The following DENND6A variants were observed in gnomAD, a reference collection of about 807,000 sequenced individuals.
DENND6A encodes protein DENND6A.
DENND6A carries 43 observed loss-of-function variants against 95.5 expected under a neutral mutation model. The observed-to-expected ratio is 0.45, with a 90% CI of 0.35 to 0.58. The LOEUF is 0.58. Ranked by LOEUF, DENND6A falls within the 20% of genes least tolerant of loss-of-function variation. The probability of loss-of-function intolerance (pLI) is 0.00; values close to 1 mark genes in which losing one functional copy is unlikely to be tolerated. For missense variants in DENND6A, 574 were observed against 736.0 expected, an observed-to-expected ratio of 0.78 and a Z score of 2.55; for synonymous variants, 257 against 260.4, an observed-to-expected ratio of 0.99 and a Z score of 0.13.
intron 1 of DENND6A, among the ~76,000 whole-genome samples, chr3:57,687,096 G>A (rs1406764352): frequency 1.3e-5 from 2 of 152,054 alleles, no homozygotes; most frequent in Non-Finnish European, 2.9e-5. Context: ...TGGGCTCAAG[G>A]AATCCTCCTG....
rs1467290953 is a variant in DENND6A, at chr3:57,692,725, C to G, written c.237+57G>C. ...GTCAGCCCGCGGGCCGCTGGCTTTG[C>G]TGCAGCCGCCCCGGCGCAGGGGAGG... On this transcript the variant is annotated intron_variant, in intron 1 of 19. Coordinates refer to ENST00000311128, the MANE Select transcript of DENND6A (RefSeq NM_152678.3). 26 of 1,372,168 alleles carry G rather than the reference C, an allele frequency of 1.9e-5. No homozygotes were observed. The South Asian group carries it at 3.9e-4, about 21-fold the overall frequency. The allele number at this position is 1,372,168 out of a possible 1,614,324, so 85.0% of individuals were successfully genotyped here. A position where few individuals can be genotyped will look rare whatever the true frequency, so the allele number is the denominator to read the frequency against.
At chr3:57,689,499 A>C (rs2077241533) in intron 1 of DENND6A, among the ~76,000 whole-genome samples, 1 of 152,126 alleles carries the variant, frequency 6.6e-6, no homozygotes, top group African/African-American at 2.4e-5. Flanking sequence ...TCAGGGGAAA[A>C]GAAGCTCAGC....
At chr3:57,666,769 T>C (rs1253439275) in intron 3 of DENND6A, among the ~76,000 whole-genome samples, 1 of 152,202 alleles carries the variant, frequency 6.6e-6, no homozygotes, top group African/African-American at 2.4e-5. Context: ...AGGAGTACTA[T>C]TAGATAATCT....
At chr3:57,629,569 T>C (rs2070617388) in intron 18 of DENND6A, among the ~76,000 whole-genome samples, 1 of 145,204 alleles carries the variant, frequency 6.9e-6, no homozygotes, top group Non-Finnish European at 1.5e-5. Flanking sequence ...TGGAGCACAG[T>C]GGCGCGATCT....
At chr3:57,664,223 C>T (rs1473934148) in intron 4 of DENND6A, among the ~76,000 whole-genome samples, 2 of 152,070 alleles carry the variant, frequency 1.3e-5, no homozygotes, top group African/African-American at 4.8e-5. Context: ...TCCTAACATA[C>T]AATTTCAAGA....
intron 7 of DENND6A, among the ~76,000 whole-genome samples, chr3:57,660,480 G>A (rs561363938): frequency 1.5e-4 from 23 of 152,166 alleles, no homozygotes; most frequent in African/African-American, 4.6e-4. Context: ...GAGCCACCAC[G>A]CCTGTCCAAA....
chr3:57,628,679 T>G (rs1409395164), intron 19 of DENND6A, 132 bp downstream of exon 19: 1 of 894,614 alleles, frequency 1.1e-6, no homozygotes, highest in Non-Finnish European at 1.7e-6. Context: ...GTATCTACCA[T>G]CAATTGACCA....
intron 1 of DENND6A, among the ~76,000 whole-genome samples, chr3:57,685,701 G>C (rs1445932803): frequency 1.3e-5 from 2 of 151,946 alleles, no homozygotes; most frequent in Non-Finnish European, 2.9e-5. Context: ...GAAATAACTA[G>C]ATTCTCATAT....
chr3:57,669,639 C>T (rs1311801048), intron 3 of DENND6A, among the ~76,000 whole-genome samples: 5 of 150,216 alleles, frequency 3.3e-5, no homozygotes, highest in Admixed American at 6.7e-5. Flanking sequence ...GGCGTGAACC[C>T]GGGAGGCAGA....
chr3:57,646,491 T>C lies in DENND6A; in HGVS notation c.819-53A>G. The C allele has an allele frequency of 6.5e-6, 10 of 1,543,674 alleles. No homozygotes were observed. The South Asian group carries it at 1.2e-4, about 19-fold the overall frequency. The stretch of plus-strand genomic sequence containing the variant: ...TTTTTAATGTAGCCAATCCTGTTTT[T>C]AAAATTCCTACATAATCTTTCTAAA... On this transcript the variant is annotated intron_variant, in intron 9 of 19. Coordinates refer to ENST00000311128, the MANE Select transcript of DENND6A (RefSeq NM_152678.3).
intron 1 of DENND6A, 82 bp downstream of exon 1, chr3:57,692,700 G>C: frequency 7.8e-7 from 1 of 1,288,788 alleles, no homozygotes; most frequent in African/African-American, 1.6e-5. Flanking sequence ...GTCCTGGCCG[G>C]TCAGCCCGCG....
intron 1 of DENND6A, among the ~76,000 whole-genome samples, chr3:57,675,726 A>G (rs1319996867): frequency 6.6e-6 from 1 of 152,230 alleles, no homozygotes; most frequent in Non-Finnish European, 1.5e-5. Flanking sequence ...CACACACTCT[A>G]CAAGCCAACC....
At chr3:57,655,322 T>C (rs115550324) in intron 9 of DENND6A, among the ~76,000 whole-genome samples, 1,562 of 152,320 alleles carry the variant, frequency 0.01, 13 homozygotes, top group Non-Finnish European at 0.017. Context: ...CGTGAGCCAC[T>C]GCATCTGGCG....
At position 57,626,909 on chromosome 3, in the gene DENND6A, G is replaced by A. The variant is rs1332801314; in HGVS notation, c.*1305C>T. On this transcript the variant is annotated 3_prime_UTR_variant, in exon 20 of 20. Transcript: ENST00000311128. ...CATGTCAAACAATAGTAGGAAAAGT[G>A]TTTTAAGAAACATTAATGTTGGGAA... 2.0e-5 allele frequency: 3 copies of A among 152,462 alleles called. No individual in the cohort carries two copies. The highest frequency in any genetic ancestry group is 4.4e-5 in the Non-Finnish European group (3 of 68,012). 9.4% of individuals were successfully genotyped at this position (152,462 alleles called of 1,614,324 possible). A position where few individuals can be genotyped will look rare whatever the true frequency, so the allele number is the denominator to read the frequency against.
chr3:57,636,092 T>C (rs1303134807), intron 12 of DENND6A, among the ~76,000 whole-genome samples: 1 of 152,232 alleles, frequency 6.6e-6, no homozygotes, highest in Non-Finnish European at 1.5e-5. Flanking sequence ...GTTTATGTTA[T>C]TGCTAAGGCT....
At chr3:57,659,033 C>A in intron 8 of DENND6A, 85 bp downstream of exon 8, 4 of 1,275,008 alleles carry the variant, frequency 3.1e-6, no homozygotes, top group Non-Finnish European at 4.5e-6. Context: ...GTAATAAACT[C>A]AAGAAACTCT....
intron 11 of DENND6A, among the ~76,000 whole-genome samples, chr3:57,644,314 A>C (rs1421381474): frequency 6.6e-6 from 1 of 151,758 alleles, no homozygotes; most frequent in African/African-American, 2.4e-5. Context: ...TTACAAAAAA[A>C]TTTTTTTTGA....
chr3:57,667,782 T>C (rs1264070252), intron 3 of DENND6A, among the ~76,000 whole-genome samples: 2 of 152,160 alleles, frequency 1.3e-5, no homozygotes, highest in Non-Finnish European at 2.9e-5. Context: ...TTTGGACTTT[T>C]AGACCAGACA....
At chr3:57,629,428 A>G (rs1014758609) in intron 18 of DENND6A, among the ~76,000 whole-genome samples, 1 of 151,510 alleles carries the variant, frequency 6.6e-6, no homozygotes, top group African/African-American at 2.4e-5. Context: ...AATGAAAGTG[A>G]GACTATTCCT....
Sources: gnomAD v4.1 joint callset for allele counts (sites outside exome capture counted in the v4.1 genomes callset) on GRCh38, gnomAD v4.1.1 for gene constraint, MANE v1.5 for transcripts, NCBI Gene and HGNC (gene_info 2026-07-23, HGNC 2026-07-21) for gene names.